The following EXOSC3 variants were observed in gnomAD, a reference collection of about 807,000 sequenced individuals.
The protein encoded by EXOSC3 is exosome component 3.
Under a neutral mutation model 25.1 loss-of-function variants are expected in EXOSC3, and 18 were observed. The observed-to-expected ratio is 0.72, with a 90% CI of 0.50 to 1.06. The LOEUF (loss-of-function observed/expected upper bound fraction) is 1.06, where lower values mean the gene tolerates loss of function less well. Ranked by LOEUF, EXOSC3 falls within the 50% of genes least tolerant of loss-of-function variation. The pLI is 0.00. For synonymous variants in EXOSC3, 165 were observed against 132.2 expected (o/e 1.25, Z -1.70); for missense variants, 382 against 350.9 (o/e 1.09, Z -0.71).
chr9:37,781,080 G>A (rs1033404272), intron 3 of EXOSC3, among the ~76,000 whole-genome samples, 200 bp from the exon 4 acceptor site: 4 of 152,006 alleles, frequency 2.6e-5, no homozygotes, highest in African/African-American at 9.7e-5. Flanking sequence ...TCACAGAGGT[G>A]GGCTATGCCT....
At position 37,782,093 on chromosome 9, in the gene EXOSC3, G is replaced by C. The variant is rs753739586; in HGVS notation, c.519C>G (p.Asp173Glu). ...CAATACAGACCATCTCTGGTTCCAT[G>C]TCTTTATTAGCAACCACAAACTGGC... ...IYGQFVVANK[D>E]MEPEMVCIDS... The change falls in exon 3 of 4, where the codon GAC becomes GAG. Residue 173 changes from aspartate to glutamate, a missense_variant. Asp to Glu is a conservative substitution (Grantham distance 45). Coordinates refer to ENST00000327304, the MANE Select transcript of EXOSC3 (RefSeq NM_016042.4). 27 of 1,613,914 alleles carry C rather than the reference G, an allele frequency of 1.7e-5. No individual in the cohort carries two copies. The East Asian group carries it at 6.0e-4, about 36-fold the overall frequency.
intron 2 of EXOSC3, among the ~76,000 whole-genome samples, chr9:37,783,165 T>A (rs1392469052): frequency 6.6e-6 from 1 of 152,068 alleles, no homozygotes; most frequent in Non-Finnish European, 1.5e-5. Context: ...TTCTGTAGAT[T>A]TTGGAGAATC....
rs371714629 is a variant in EXOSC3 at position 37,780,883 on chromosome 9, G to A, written c.627-3C>T. On this transcript the variant is annotated splice_region_variant and splice_polypyrimidine_tract_variant and intron_variant, in intron 3 of 3. Coordinates refer to ENST00000327304, the MANE Select transcript of EXOSC3 (RefSeq NM_016042.4). ...TTTCACAATCTGGAGCTAATAGCCT[G>A]GTGGGAAGAGAAAAGAAAATGAAAT... is the stretch of plus-strand genomic sequence containing the variant. 25 of 1,610,858 alleles carry A rather than the reference G, an allele frequency of 1.6e-5. No homozygotes were observed. Among genetic ancestry groups the A allele is most frequent in the Non-Finnish European group, 2.0e-5 (24 of 1,178,836 alleles).
chr9:37,784,834 G>C lies in EXOSC3; in HGVS notation c.211C>G (p.Leu71Val), dbSNP rs755802507. The change falls in exon 1 of 4, where the codon CTT (leucine) becomes GTT (valine). Residue 71 changes from leucine (L) to valine (V), a missense_variant. By Grantham distance (32) the Leu-to-Val change is conservative (BLOSUM62 1). Coordinates refer to ENST00000327304, the MANE Select transcript of EXOSC3 (RefSeq NM_016042.4). Reference sequence around the variant, plus strand: ...AGCAGGCGGTCCCCACAGCGCCGAAGGCCCGGACCGCATACAACGCGCACC... The same window carrying C: ...AGCAGGCGGTCCCCACAGCGCCGAACGCCCGGACCGCATACAACGCGCACC... ...SRVRVVCGPG[L>V]RRCGDRLLVT... The C allele has an allele frequency of 4.4e-6, 7 of 1,608,392 alleles. No individual in the cohort carries two copies. The highest frequency in any genetic ancestry group is 5.9e-6 in the Non-Finnish European group (7 of 1,177,854).
rs1188987511 is a variant in EXOSC3, at chr9:37,780,421, TAC to T, written c.*256_*257del. 7.9e-6 allele frequency: 3 copies of T among 378,562 alleles called. No homozygotes were observed. The highest frequency in any genetic ancestry group is 9.6e-6 in the Non-Finnish European group (2 of 208,266). 23.5% of individuals were successfully genotyped at this position (378,562 alleles called of 1,614,324 possible). ...AGTTAATTATGGAAGCTGTAGCAAT[TAC>T]TAAGGGAGTTAACTCCAAATAAACC... On this transcript the variant is annotated 3_prime_UTR_variant, in exon 4 of 4. Transcript: ENST00000327304.
In EXOSC3 at chr9:37,780,485, CA is replaced by C; in HGVS notation, c.*193del. ...TTTTAGTAAACTTTATTGTACCGAA[CA>C]AAAAAAATGATTTTGCAATGATTTT... On this transcript the variant is annotated 3_prime_UTR_variant, in exon 4 of 4. Coordinates refer to ENST00000327304, the MANE Select transcript of EXOSC3 (RefSeq NM_016042.4). The C allele has an allele frequency of 1.0e-4, 58 of 570,872 alleles. No individual in the cohort carries two copies. The highest frequency in any genetic ancestry group is 1.5e-4 in the East Asian group (5 of 33,778). The allele number at this position is 570,872 out of a possible 1,614,324, so 35.4% of individuals were successfully genotyped here.
At chr9:37,781,784 A>G in intron 3 of EXOSC3, 1 of 591,848 alleles carries the variant, frequency 1.7e-6, no homozygotes, top group South Asian at 2.2e-5. Context: ...GAAACTACAC[A>G]GCCAAACACA....
chr9:37,782,560 A>T (rs192949782), intron 2 of EXOSC3, among the ~76,000 whole-genome samples: 18 of 152,368 alleles, frequency 1.2e-4, no homozygotes, highest in Non-Finnish European at 1.3e-4. Flanking sequence ...AAGTTATATT[A>T]GGTCGCACTA....
At chr9:37,783,402 G>C (rs1257928000) in intron 2 of EXOSC3, among the ~76,000 whole-genome samples, 3 of 152,180 alleles carry the variant, frequency 2.0e-5, no homozygotes, top group African/African-American at 7.2e-5. Flanking sequence ...AGAAGTGAAT[G>C]AGAAGAGGTG....
intron 1 of EXOSC3, 160 bp downstream of exon 1, chr9:37,784,561 T>C: frequency 5.1e-6 from 4 of 781,316 alleles, no homozygotes; most frequent in Non-Finnish European, 7.9e-6. Context: ...TTGTTCACGG[T>C]CCCTCTAAAG....
At position 37,779,798 on chromosome 9, in the gene EXOSC3, TCA is replaced by T. The variant is rs963456365; in HGVS notation, c.*879_*880del. 2.4e-4 allele frequency: 37 copies of T among 152,314 alleles called. No homozygotes were observed. The highest frequency in any genetic ancestry group is 3.4e-3 in the Middle Eastern group (1 of 294). 9.4% of individuals were successfully genotyped at this position (152,314 alleles called of 1,614,324 possible). On this transcript the variant is annotated 3_prime_UTR_variant, in exon 4 of 4. Transcript: ENST00000327304. ...GGATAGGCTTCAGGGGATCTGTATC[TCA>T]CATATTCTCAGAGGTCTAGAAACCA... is the stretch of plus-strand genomic sequence containing the variant.
At chr9:37,784,591 A>C (rs1828665869) in intron 1 of EXOSC3, 130 bp downstream of exon 1, 1 of 1,044,068 alleles carries the variant, frequency 9.6e-7, no homozygotes. Flanking sequence ...AAGTGGGCAC[A>C]AGACTACGGT....
Position 37,780,494 on chromosome 9 carries a change from T to A in EXOSC3, c.*185A>T. On this transcript the variant is annotated 3_prime_UTR_variant, in exon 4 of 4. Coordinates refer to ENST00000327304, the MANE Select transcript of EXOSC3 (RefSeq NM_016042.4). ...ACTTTATTGTACCGAACAAAAAAAATGATTTTGCAATGATTTTCTCTCCCA... is the reference window on the plus strand; with the variant it reads ...ACTTTATTGTACCGAACAAAAAAAAAGATTTTGCAATGATTTTCTCTCCCA... 2 of 586,012 alleles carry A rather than the reference T, an allele frequency of 3.4e-6. No individual in the cohort carries two copies. Among genetic ancestry groups the A allele is most frequent in the Non-Finnish European group, 6.0e-6 (2 of 334,560 alleles). 36.3% of individuals were successfully genotyped at this position (586,012 alleles called of 1,614,324 possible).
chr9:37,783,803 G>T, intron 2 of EXOSC3, 111 bp downstream of exon 2: 3 of 1,153,754 alleles, frequency 2.6e-6, no homozygotes, highest in Non-Finnish European at 3.5e-6. Flanking sequence ...TTATATACAA[G>T]CTCAGAGATC....
In EXOSC3 at chr9:37,785,041, C is replaced by G; in HGVS notation, c.4G>C (p.Ala2Pro). ...TCAGCCGCGACAGACGCAGGTTCGG[C>G]CATCGCGGGCTCCACCAAACACCGT... The part of the protein sequence containing the change: M[A>P]EPASVAAESL... Residue 2 changes from alanine (A) to proline (P), a missense_variant, in exon 1 of 4, where the codon GCC (alanine) becomes CCC (proline). Coordinates refer to ENST00000327304, the MANE Select transcript of EXOSC3 (RefSeq NM_016042.4). The G allele has an allele frequency of 6.3e-7, 1 of 1,594,784 alleles. No homozygotes were observed. Among genetic ancestry groups the G allele is most frequent in the Non-Finnish European group, 8.6e-7 (1 of 1,169,422 alleles).
Position 37,784,769 on chromosome 9 carries a change from G to A in EXOSC3, c.276C>T (p.Gly92=), listed in dbSNP as rs1195019594. The change falls in exon 1 of 4, where the codon GGC becomes GGT. Residue 92 remains glycine, a synonymous_variant. Transcript: ENST00000327304. ...KCGRLRHKEP[G]SGSGGGVYWV... ...AGTAAACACCGCCGCCGCTGCCACTGCCGGGCTCCTTGTGACGGAGGCGGC... is the reference window on the plus strand; with the variant it reads ...AGTAAACACCGCCGCCGCTGCCACTACCGGGCTCCTTGTGACGGAGGCGGC... 2.5e-6 allele frequency: 4 copies of A among 1,605,484 alleles called. No individual in the cohort carries two copies. Among genetic ancestry groups the A allele is most frequent in the Non-Finnish European group, 2.5e-6 (3 of 1,178,374 alleles).
intron 2 of EXOSC3, 183 bp downstream of exon 2, chr9:37,783,725 AAATAAT>A (rs1052837902): frequency 4.6e-6 from 2 of 434,576 alleles, no homozygotes; most frequent in Admixed American, 4.2e-5. Context: ...TAAATGTAAA[AAATAAT>A]AATAATAATT....
At chr9:37,781,899 C>T in intron 3 of EXOSC3, 87 bp downstream of exon 3, 1 of 1,422,454 alleles carries the variant, frequency 7.0e-7, no homozygotes, top group Non-Finnish European at 9.5e-7. Context: ...TCAAACGTTA[C>T]AAAGAATCTG....
In EXOSC3 at chr9:37,784,857, ACCCG is replaced by A; in HGVS notation, c.184_187del (p.Arg62CysfsTer50). 1 of 1,607,478 alleles carries A rather than the reference ACCCG, an allele frequency of 6.2e-7. No individual in the cohort carries two copies. The highest frequency in any genetic ancestry group is 8.5e-7 in the Non-Finnish European group (1 of 1,177,206). On this transcript the variant is annotated frameshift_variant, in exon 1 of 4. Coordinates refer to ENST00000327304, the MANE Select transcript of EXOSC3 (RefSeq NM_016042.4). LOFTEE classifies it high-confidence loss of function. Reference sequence around the variant, plus strand: ...AAGGCCCGGACCGCATACAACGCGCACCCGCGAGCACGCTCTAGCATTCAGGCTC... The same window carrying A: ...AAGGCCCGGACCGCATACAACGCGCACGAGCACGCTCTAGCATTCAGGCTC...
Sources: gnomAD v4.1 joint callset for allele counts (sites outside exome capture counted in the v4.1 genomes callset) on GRCh38, gnomAD v4.1.1 for gene constraint, MANE v1.5 for transcripts, NCBI Gene and HGNC (gene_info 2026-07-23, HGNC 2026-07-21) for gene names.